FMN2: variants seen among roughly 807,000 people sequenced by gnomAD.
FMN2 encodes the protein formin 2, also known as formin-2.
FMN2 carries 51 observed loss-of-function variants against 142.3 expected under a neutral mutation model. That is an observed-to-expected ratio of 0.36 (90% CI 0.29 to 0.45). FMN2 has a LOEUF of 0.45. Ranked by LOEUF, FMN2 falls within the 20% of genes least tolerant of loss-of-function variation. The probability of loss-of-function intolerance (pLI) is 1.00; values close to 1 mark genes in which losing one functional copy is unlikely to be tolerated. For missense variants in FMN2, 1,936 were observed against 2,122.8 expected, an observed-to-expected ratio of 0.91 and a Z score of 1.73; for synonymous variants, 882 against 869.8, an observed-to-expected ratio of 1.01 and a Z score of -0.25.
chr1:240,396,545 A>G (rs951224531), intron 15 of FMN2, among the ~76,000 whole-genome samples: 1 of 151,930 alleles, frequency 6.6e-6, no homozygotes, highest in African/African-American at 2.4e-5. Context: ...TTAGAATCTA[A>G]ATGGTTCTGT....
chr1:240,316,387 A>G (rs1670779959), intron 8 of FMN2, among the ~76,000 whole-genome samples: 1 of 152,146 alleles, frequency 6.6e-6, no homozygotes, highest in South Asian at 2.1e-4. Context: ...CATGGATGTA[A>G]AAATCTATAA....
At chr1:240,278,833 G>A (rs1669303703) in intron 7 of FMN2, among the ~76,000 whole-genome samples, 1 of 152,112 alleles carries the variant, frequency 6.6e-6, no homozygotes, top group South Asian at 2.1e-4. Flanking sequence ...GTTTTCATGG[G>A]ATTATTTATG....
Position 240,208,515 on chromosome 1 carries a change from C to T in FMN2, c.3703C>T (p.Pro1235Ser). 1 of 1,612,600 alleles carries T rather than the reference C, an allele frequency of 6.2e-7. No individual in the cohort carries two copies. Among genetic ancestry groups the T allele is most frequent in the Non-Finnish European group, 8.5e-7 (1 of 1,179,486 alleles). ...LPPPGTGIPP[P>S]PLLPVSGPPL... ...TCCACCTGGGACAGGAATCCCACCG[C>T]CCCCTCTGCTTCCTGTATCAGGCCC... Residue 1235 changes from proline (P) to serine (S), a missense_variant, in exon 5 of 18, where the codon CCC (proline) becomes TCC (serine). Pro to Ser is a moderately conservative substitution (Grantham distance 74). Around this residue, in one of 8 missense-constraint regions of FMN2, gnomAD observed 259 missense variants for 230.9 expected, o/e 1.12. Transcript: ENST00000319653.
chr1:240,223,063 A>G (rs1490866237), intron 6 of FMN2, among the ~76,000 whole-genome samples: 1 of 152,192 alleles, frequency 6.6e-6, no homozygotes, highest in East Asian at 1.9e-4. Flanking sequence ...GTCTTGTGCC[A>G]GTTTTCAAAA....
intron 8 of FMN2, among the ~76,000 whole-genome samples, chr1:240,297,204 T>C (rs947303620): frequency 3.9e-5 from 6 of 152,234 alleles, no homozygotes; most frequent in African/African-American, 1.4e-4. Context: ...TGTATGTGTA[T>C]CTAGGAATGA....
intron 6 of FMN2, among the ~76,000 whole-genome samples, chr1:240,228,327 A>AAAAAG (rs1553346277): frequency 2.6e-5 from 2 of 78,368 alleles, no homozygotes. Context: ...AAAAAAAAAA[A>AAAAAG]AAAAAGAAAA....
intron 6 of FMN2, among the ~76,000 whole-genome samples, chr1:240,223,512 G>A (rs1224436925): frequency 1.3e-5 from 2 of 152,144 alleles, no homozygotes; most frequent in Non-Finnish European, 2.9e-5. Flanking sequence ...ATGAGTTAGG[G>A]CAGAGTCCCT....
chr1:240,135,126 C>G (rs1200625642), intron 2 of FMN2, among the ~76,000 whole-genome samples: 1 of 152,172 alleles, frequency 6.6e-6, no homozygotes, highest in Non-Finnish European at 1.5e-5. Flanking sequence ...AAGAATGAAT[C>G]GTTTTGCTTT....
At chr1:240,366,558 A>T (rs1408423302) in intron 14 of FMN2, among the ~76,000 whole-genome samples, 1 of 133,182 alleles carries the variant, frequency 7.5e-6, no homozygotes, top group African/African-American at 3.0e-5. Context: ...TTTAAATTTG[A>T]GATGGAGTTT....
chr1:240,311,738 A>G (rs968425946), intron 8 of FMN2, among the ~76,000 whole-genome samples: 3 of 152,228 alleles, frequency 2.0e-5, no homozygotes, highest in Admixed American at 6.5e-5. Context: ...AATTCCTGGA[A>G]AATGAAAATT....
At chr1:240,352,264 A>G (rs1323504749) in intron 13 of FMN2, among the ~76,000 whole-genome samples, 1 of 152,148 alleles carries the variant, frequency 6.6e-6, no homozygotes, top group Non-Finnish European at 1.5e-5. Context: ...CCCTTGAATC[A>G]GTAGATAGTT....
intron 3 of FMN2, among the ~76,000 whole-genome samples, chr1:240,186,512 G>C (rs1665457989): frequency 6.6e-6 from 1 of 152,218 alleles, no homozygotes; most frequent in African/African-American, 2.4e-5. Context: ...AGGTTACGAA[G>C]AAAGTAAGGG....
intron 13 of FMN2, among the ~76,000 whole-genome samples, chr1:240,341,877 T>C (rs1671756242): frequency 6.6e-6 from 1 of 152,190 alleles, no homozygotes; most frequent in African/African-American, 2.4e-5. Flanking sequence ...GGCTACTTAC[T>C]CTTGCTGCCC....
At chr1:240,169,081 C>T (rs1664597037) in intron 2 of FMN2, among the ~76,000 whole-genome samples, 1 of 152,136 alleles carries the variant, frequency 6.6e-6, no homozygotes, top group Non-Finnish European at 1.5e-5. Flanking sequence ...CGTGGTGGCA[C>T]ATGCCTGTAG....
intron 15 of FMN2, among the ~76,000 whole-genome samples, chr1:240,398,518 A>G (rs1673865776): frequency 6.6e-6 from 1 of 152,236 alleles, no homozygotes; most frequent in African/African-American, 2.4e-5. Flanking sequence ...TAAAAGAGCC[A>G]TCTTTTATAA....
chr1:240,405,993 AG>A (rs1674143334), intron 15 of FMN2, among the ~76,000 whole-genome samples: 3 of 151,408 alleles, frequency 2.0e-5, no homozygotes, highest in Non-Finnish European at 4.4e-5. Flanking sequence ...GGGGAAGCGA[AG>A]GGAAGCAGCC....
At chr1:240,464,435 C>T (rs1467738535) in intron 16 of FMN2, among the ~76,000 whole-genome samples, 2 of 152,140 alleles carry the variant, frequency 1.3e-5, no homozygotes, top group African/African-American at 4.8e-5. Context: ...TTTTCACCCA[C>T]ATATACCCGA....
intron 8 of FMN2, among the ~76,000 whole-genome samples, chr1:240,309,694 C>T (rs796680280): frequency 1.7e-4 from 26 of 152,210 alleles, no homozygotes; most frequent in African/African-American, 6.3e-4. Flanking sequence ...CTAGCAGTGC[C>T]CCTCCATCAC....
rs754219620 is a variant in FMN2 at position 240,093,209 on chromosome 1, C to T, written c.1100C>T (p.Ala367Val). The change falls in exon 1 of 18, where the codon GCC becomes GTC. Residue 367 changes from alanine to valine, a missense_variant. Around this residue, in one of 8 missense-constraint regions of FMN2, gnomAD observed 751 missense variants for 791.8 expected, o/e 0.95. Transcript: ENST00000319653. ...APRGSPGEEW[A>V]PEVGEDAPQR... is the part of the protein sequence containing the mutation. Reference sequence around the variant, plus strand: ...CGGGGCTCTCCGGGGGAGGAGTGGGCCCCGGAGGTGGGAGAGGACGCCCCG... The same window carrying T: ...CGGGGCTCTCCGGGGGAGGAGTGGGTCCCGGAGGTGGGAGAGGACGCCCCG... 1.1e-5 allele frequency: 16 copies of T among 1,502,582 alleles called. No individual in the cohort carries two copies. The highest frequency in any genetic ancestry group is 1.4e-5 in the Non-Finnish European group (16 of 1,127,218). The allele number at this position is 1,502,582 out of a possible 1,614,324, so 93.1% of individuals were successfully genotyped here.
Sources: allele counts gnomAD v4.1 joint callset (sites outside exome capture counted in the v4.1 genomes callset), GRCh38; gene constraint gnomAD v4.1.1; regional missense constraint gnomAD v4.1.1; transcripts MANE v1.5; gene names NCBI Gene and HGNC (gene_info 2026-07-23, HGNC 2026-07-21).